The following MACROD1 variants were observed in gnomAD, a reference collection of about 807,000 sequenced individuals.
MACROD1 encodes the protein ADP-ribose glycohydrolase MACROD1.
Under a neutral mutation model 41.4 loss-of-function variants are expected in MACROD1, and 31 were observed. The ratio of observed to expected loss-of-function variants is 0.75; its 90% confidence interval spans 0.56 to 1.01. The LOEUF (loss-of-function observed/expected upper bound fraction) is 1.01, where lower values mean the gene tolerates loss of function less well. MACROD1 is among the 50% of genes least tolerant of loss of function. The pLI, the probability that MACROD1 is intolerant of heterozygous loss-of-function variation, is 0.00. For synonymous variants in MACROD1, 252 were observed against 203.4 expected, an observed-to-expected ratio of 1.24 and a Z score of -2.03; for missense variants, 473 against 460.0, an observed-to-expected ratio of 1.03 and a Z score of -0.26.
chr11:64,111,493 G>A (rs902169519), intron 3 of MACROD1, among the ~76,000 whole-genome samples: 17 of 152,294 alleles, frequency 1.1e-4, no homozygotes, highest in East Asian at 5.8e-4. Flanking sequence ...TAACCTTCAC[G>A]AGCCTGGCTC....
chr11:64,147,885 G>C (rs531689841), intron 3 of MACROD1, among the ~76,000 whole-genome samples: 48 of 151,998 alleles, frequency 3.2e-4, no homozygotes, highest in African/African-American at 9.4e-4. Flanking sequence ...TGGGATTATA[G>C]GCACACACCA....
At chr11:64,068,348 G>GA (rs1291618638) in intron 3 of MACROD1, among the ~76,000 whole-genome samples, 1 of 152,142 alleles carries the variant, frequency 6.6e-6, no homozygotes, top group Non-Finnish European at 1.5e-5. Flanking sequence ...ATGCCTACCA[G>GA]GCCCTGGCAG....
At chr11:64,150,131 A>G (rs1945552901) in intron 3 of MACROD1, among the ~76,000 whole-genome samples, 2 of 152,246 alleles carry the variant, frequency 1.3e-5, no homozygotes, top group South Asian at 2.1e-4. Flanking sequence ...CGCATAGAGC[A>G]AGGTTGCTTC....
Position 64,166,007 on chromosome 11 carries a change from C to T in MACROD1, c.-13G>A, listed in dbSNP as rs1018663866. ...TCTGTAGAGACATGAGCGGGCGGCG[C>T]GGGACGGCTCTCCGCCCACTTGGAC... On this transcript the variant is annotated 5_prime_UTR_variant, in exon 1 of 11. Coordinates refer to ENST00000255681, the MANE Select transcript of MACROD1 (RefSeq NM_014067.4). 26 of 1,256,910 alleles carry T rather than the reference C, an allele frequency of 2.1e-5. No individual in the cohort carries two copies. In the African/African-American group the frequency reaches 3.7e-4, roughly 18 times the overall value. 77.9% of individuals were successfully genotyped at this position (1,256,910 alleles called of 1,614,324 possible). A position where few individuals can be genotyped will look rare whatever the true frequency, so the allele number is the denominator to read the frequency against.
chr11:64,025,740 C>G (rs544213082), intron 3 of MACROD1, among the ~76,000 whole-genome samples: 20 of 139,528 alleles, frequency 1.4e-4, no homozygotes, highest in Non-Finnish European at 2.6e-4. Context: ...TTTTTTCAGA[C>G]GGTCTCGCTC....
chr11:64,139,598 T>C (rs1229916739), intron 3 of MACROD1, among the ~76,000 whole-genome samples: 1 of 152,130 alleles, frequency 6.6e-6, no homozygotes. Context: ...CCCTCCAGTG[T>C]GGTAATGCAT....
At chr11:64,140,950 T>C (rs1337110620) in intron 3 of MACROD1, among the ~76,000 whole-genome samples, 1 of 152,044 alleles carries the variant, frequency 6.6e-6, no homozygotes. Context: ...GCCTGGGCAA[T>C]ATGGTGTAAA....
At chr11:64,014,698 C>T (rs1054162717) in intron 4 of MACROD1, among the ~76,000 whole-genome samples, 1 of 152,312 alleles carries the variant, frequency 6.6e-6, no homozygotes, top group East Asian at 1.9e-4. Context: ...TGTGACCTGG[C>T]CTGTATCCCT....
At chr11:64,022,867 ATTTTTTTTTTTTT>A (rs922794608) in intron 3 of MACROD1, among the ~76,000 whole-genome samples, 4 of 90,766 alleles carry the variant, frequency 4.4e-5, no homozygotes, top group Non-Finnish European at 8.3e-5. Context: ...TTCCACATGG[ATTTTTTTTTTTTT>A]TTTTTTTTTT....
At chr11:64,087,765 C>T (rs1259311687) in intron 3 of MACROD1, among the ~76,000 whole-genome samples, 1 of 152,270 alleles carries the variant, frequency 6.6e-6, no homozygotes, top group Non-Finnish European at 1.5e-5. Context: ...GCACGCTGTG[C>T]ACGTCTGAAT....
At chr11:64,095,242 A>C (rs1388452505) in intron 3 of MACROD1, among the ~76,000 whole-genome samples, 1 of 152,164 alleles carries the variant, frequency 6.6e-6, no homozygotes, top group Non-Finnish European at 1.5e-5. Flanking sequence ...CAATTCAGCT[A>C]GTCTCTCAGG....
intron 3 of MACROD1, among the ~76,000 whole-genome samples, chr11:64,024,115 A>G (rs771382619): frequency 1.4e-4 from 21 of 152,178 alleles, no homozygotes; most frequent in Non-Finnish European, 2.4e-4. Flanking sequence ...TAAAAAATTC[A>G]TGTTCATTCC....
At chr11:64,116,553 G>A (rs778098134) in intron 3 of MACROD1, 2 of 1,614,006 alleles carry the variant, frequency 1.2e-6, no homozygotes, top group Admixed American at 1.7e-5. Flanking sequence ...GATCAACAAC[G>A]CCGGCATCCC....
At chr11:64,021,181 T>A (rs1400464198) in intron 3 of MACROD1, among the ~76,000 whole-genome samples, 1 of 152,174 alleles carries the variant, frequency 6.6e-6, no homozygotes, top group African/African-American at 2.4e-5. Context: ...TCAGCTGGAT[T>A]TAAGCTGGGT....
At chr11:64,157,169 T>G (rs1945682244) in intron 1 of MACROD1, among the ~76,000 whole-genome samples, 1 of 152,186 alleles carries the variant, frequency 6.6e-6, no homozygotes, top group Non-Finnish European at 1.5e-5. Context: ...CTCGGCTCAC[T>G]GCAACCTCTG....
chr11:64,116,087 G>C, intron 3 of MACROD1: 1 of 907,878 alleles, frequency 1.1e-6, no homozygotes, highest in South Asian at 1.9e-5. Flanking sequence ...CCTCCAGCTT[G>C]ACCTCACCCC....
intron 4 of MACROD1, among the ~76,000 whole-genome samples, chr11:64,006,359 G>A (rs775883974): frequency 9.9e-5 from 15 of 152,100 alleles, no homozygotes; most frequent in East Asian, 3.9e-4. Context: ...AGCCAGCCCC[G>A]GCTCTGTGCT....
At chr11:64,027,073 G>T (rs555942194) in intron 3 of MACROD1, among the ~76,000 whole-genome samples, 1 of 152,326 alleles carries the variant, frequency 6.6e-6, no homozygotes, top group Admixed American at 6.5e-5. Flanking sequence ...CCCAAAGGCC[G>T]GCATGGCCTG....
chr11:64,100,167 G>C (rs1187230803), intron 3 of MACROD1, among the ~76,000 whole-genome samples: 1 of 152,182 alleles, frequency 6.6e-6, no homozygotes, highest in Non-Finnish European at 1.5e-5. Context: ...CAAGCTCAGG[G>C]AAGATGGCAA....
Sources: gnomAD v4.1 joint callset for allele counts (sites outside exome capture counted in the v4.1 genomes callset) on GRCh38, gnomAD v4.1.1 for gene constraint, MANE v1.5 for transcripts, NCBI Gene and HGNC (gene_info 2026-07-23, HGNC 2026-07-21) for gene names.